Variants in MYO3A observed in about 807,000 individuals in gnomAD.
MYO3A encodes the protein myosin IIIA, also known as myosin-IIIa.
MYO3A carries 180 observed loss-of-function variants against 192.7 expected under a neutral mutation model. The observed-to-expected ratio is 0.93, with a 90% CI of 0.83 to 1.06. The LOEUF (loss-of-function observed/expected upper bound fraction) is 1.06, where lower values mean the gene tolerates loss of function less well. Among genes scored for constraint, MYO3A ranks in the 50% least tolerant of loss-of-function variants. The pLI, the probability that MYO3A is intolerant of heterozygous loss-of-function variation, is 0.00. For synonymous variants in MYO3A, 628 were observed against 645.3 expected (o/e 0.97, Z 0.41); for missense variants, 1,896 against 1,905.0 (o/e 1.00, Z 0.09).
At chr10:26,002,483 G>A (rs1208489551) in intron 6 of MYO3A, among the ~76,000 whole-genome samples, 2 of 152,154 alleles carry the variant, frequency 1.3e-5, no homozygotes, top group East Asian at 1.9e-4. Flanking sequence ...GGGTTAGACC[G>A]CACAGGCTAA....
intron 20 of MYO3A, among the ~76,000 whole-genome samples, chr10:26,134,923 C>T: frequency 6.6e-6 from 1 of 152,188 alleles, no homozygotes; most frequent in East Asian, 1.9e-4. Context: ...ATACAGACTT[C>T]AGGGACTATA....
At position 26,080,952 on chromosome 10, in the gene MYO3A, G is replaced by C. The variant is rs544706044; in HGVS notation, c.1360-7251G>C. Reference sequence around the variant, plus strand: ...GGATACCAGCACGTGTTCTGGTGGAGGTAGTAGGGGGAGTGCAGTGGACTC... The same window carrying C: ...GGATACCAGCACGTGTTCTGGTGGACGTAGTAGGGGGAGTGCAGTGGACTC... On this transcript the variant is annotated intron_variant, in intron 14 of 34. Transcript: ENST00000642920. Among the ~76,000 whole-genome samples the C allele has an allele frequency of 3.9e-5, 6 of 152,240 alleles. No individual in the cohort carries two copies. In the South Asian group the frequency reaches 1.2e-3, roughly 32 times the overall value.
intron 2 of MYO3A, among the ~76,000 whole-genome samples, chr10:25,941,448 G>A (rs1836480399): frequency 6.6e-6 from 1 of 152,176 alleles, no homozygotes; most frequent in Non-Finnish European, 1.5e-5. Flanking sequence ...GTTTTGAGAT[G>A]TCGGTCCCCG....
At chr10:26,068,370 A>G (rs964778939) in intron 11 of MYO3A, among the ~76,000 whole-genome samples, 1 of 152,192 alleles carries the variant, frequency 6.6e-6, no homozygotes, top group Non-Finnish European at 1.5e-5. Flanking sequence ...AGGACATTCC[A>G]TAAAGCCACT....
At chr10:26,004,062 A>G (rs943288085) in intron 6 of MYO3A, among the ~76,000 whole-genome samples, 1 of 152,160 alleles carries the variant, frequency 6.6e-6, no homozygotes, top group Admixed American at 6.5e-5. Context: ...AACAAAAGCC[A>G]TTGGGTGGGA....
chr10:25,937,687 A>G (rs1481644311), intron 2 of MYO3A, among the ~76,000 whole-genome samples: 3 of 151,896 alleles, frequency 2.0e-5, no homozygotes, highest in Admixed American at 2.0e-4. Context: ...TGGTTCTAGC[A>G]TTTATTTTAA....
At chr10:26,011,830 C>G (rs969563777) in intron 6 of MYO3A, among the ~76,000 whole-genome samples, 6 of 152,298 alleles carry the variant, frequency 3.9e-5, no homozygotes, top group African/African-American at 1.4e-4. Context: ...CCCTGATGAA[C>G]ATTGATGCAA....
intron 10 of MYO3A, among the ~76,000 whole-genome samples, chr10:26,064,003 G>T (rs779291074): frequency 7.2e-5 from 11 of 152,128 alleles, no homozygotes; most frequent in Non-Finnish European, 1.3e-4. Flanking sequence ...AACAATACAG[G>T]TACTCTGTCT....
At chr10:26,149,096 C>G (rs1840638065) in intron 23 of MYO3A, among the ~76,000 whole-genome samples, 1 of 151,958 alleles carries the variant, frequency 6.6e-6, no homozygotes, top group Non-Finnish European at 1.5e-5. Context: ...GTCTTTTAGT[C>G]TTTCACCACT....
rs1402503107 is a variant in MYO3A at position 26,066,984 on chromosome 10, T to C, written c.963T>C (p.Arg321=). The C allele has an allele frequency of 1.2e-6, 2 of 1,609,450 alleles. No individual in the cohort carries two copies. Among genetic ancestry groups the C allele is most frequent in the African/African-American group, 1.3e-5 (1 of 74,870 alleles). ...MGGTEKARRE[R]IHTKKGNFNR... is the part of the protein sequence containing the mutation. ...GCGTTTTTCTCCACAGACGTGAACGTATTCACACGAAGAAAGGGAACTTCA... is the reference window on the plus strand; with the variant it reads ...GCGTTTTTCTCCACAGACGTGAACGCATTCACACGAAGAAAGGGAACTTCA... The change falls in exon 11 of 35, where the codon CGT becomes CGC. Residue 321 remains arginine (R), a synonymous_variant. Transcript: ENST00000642920.
intron 3 of MYO3A, 139 bp from the exon 4 acceptor site, chr10:25,954,735 C>A: frequency 2.5e-6 from 2 of 795,082 alleles, no homozygotes; most frequent in Non-Finnish European, 4.0e-6. Context: ...TGAGAAATTA[C>A]AATACATAAT....
chr10:25,959,836 T>G (rs1390544369), intron 4 of MYO3A, among the ~76,000 whole-genome samples: 1 of 151,968 alleles, frequency 6.6e-6, no homozygotes. Flanking sequence ...TGTCTGTGTG[T>G]GTACTGCTCA....
intron 10 of MYO3A, among the ~76,000 whole-genome samples, chr10:26,046,429 A>C (rs1353041628): frequency 2.0e-5 from 3 of 152,216 alleles, no homozygotes; most frequent in Admixed American, 2.0e-4. Context: ...TATTTTCAAC[A>C]CTGGTGGCCC....
intron 4 of MYO3A, among the ~76,000 whole-genome samples, chr10:25,959,412 G>T (rs1020736007): frequency 6.6e-6 from 1 of 152,120 alleles, no homozygotes; most frequent in Non-Finnish European, 1.5e-5. Context: ...GTTTAGTGGT[G>T]CCACCTTCTC....
intron 10 of MYO3A, among the ~76,000 whole-genome samples, chr10:26,033,951 T>C (rs1008609518): frequency 1.3e-5 from 2 of 151,436 alleles, no homozygotes; most frequent in Admixed American, 1.3e-4. Context: ...AACCCAGAAA[T>C]AGGTTTGGAG....
chr10:26,075,815 ATG>A (rs1315149933), intron 14 of MYO3A, among the ~76,000 whole-genome samples: 62 of 148,258 alleles, frequency 4.2e-4, no homozygotes, highest in African/African-American at 1.5e-3. Flanking sequence ...TGATATATAT[ATG>A]TCTCTCATAT....
chr10:26,178,026 C>T (rs1222485306), intron 31 of MYO3A, among the ~76,000 whole-genome samples: 1 of 152,222 alleles, frequency 6.6e-6, no homozygotes, highest in Non-Finnish European at 1.5e-5. Context: ...CTGAGAGCCT[C>T]CTGCTGTGAA....
chr10:25,959,804 T>G (rs757678037), intron 4 of MYO3A, among the ~76,000 whole-genome samples: 5 of 28,400 alleles, frequency 1.8e-4, no homozygotes, highest in Non-Finnish European at 3.8e-4. Flanking sequence ...TTAACCTGGG[T>G]GTGTGTGTGT....
intron 4 of MYO3A, among the ~76,000 whole-genome samples, chr10:25,982,457 T>C (rs947301809): frequency 1.8e-4 from 27 of 152,124 alleles, no homozygotes; most frequent in African/African-American, 6.5e-4. Flanking sequence ...TGATATGCTA[T>C]TGAAAGCACC....
Sources: allele counts gnomAD v4.1 joint callset (sites outside exome capture counted in the v4.1 genomes callset), GRCh38; gene constraint gnomAD v4.1.1; transcripts MANE v1.5; gene names NCBI Gene and HGNC (gene_info 2026-07-23, HGNC 2026-07-21).